CNKSR3: variants seen among roughly 807,000 people sequenced by gnomAD.
CNKSR3 encodes the protein CNKSR family member 3.
A neutral mutation model predicts 67.7 loss-of-function variants in CNKSR3; 36 were observed. The ratio of observed to expected loss-of-function variants is 0.53; its 90% CI spans 0.41 to 0.70. The LOEUF (loss-of-function observed/expected upper bound fraction) is 0.70, where lower values mean the gene tolerates loss of function less well. Ranked by LOEUF, CNKSR3 falls within the 30% of genes least tolerant of loss-of-function variation. The probability of loss-of-function intolerance (pLI) is 0.00; values close to 1 mark genes in which losing one functional copy is unlikely to be tolerated. For missense variants in CNKSR3, 630 were observed against 695.2 expected (o/e 0.91, Z 1.05); for synonymous variants, 281 against 271.4 (o/e 1.04, Z -0.35).
chr6:154,460,867 T>C (rs1786064673), intron 1 of CNKSR3, among the ~76,000 whole-genome samples: 1 of 152,172 alleles, frequency 6.6e-6, no homozygotes, highest in Non-Finnish European at 1.5e-5. Context: ...AGACATGCAG[T>C]GGCCGCGACA....
chr6:154,402,705 G>A lies in CNKSR3; in HGVS notation c.*3649C>T, dbSNP rs1784731213. 6.6e-6 allele frequency: 1 copy of A among 152,200 alleles called. No homozygotes were observed. Among genetic ancestry groups the A allele is most frequent in the Non-Finnish European group, 1.5e-5 (1 of 68,028 alleles). 9.4% of individuals were successfully genotyped at this position (152,200 alleles called of 1,614,324 possible). A position where few individuals can be genotyped will look rare whatever the true frequency, so the allele number is the denominator to read the frequency against. ...AGTGAAGCCATTACAGACTAGGTAT[G>A]CCTAGAACTTTATCTAAAGAATTGG... On this transcript the variant is annotated 3_prime_UTR_variant, in exon 13 of 13. Coordinates refer to ENST00000607772, the MANE Select transcript of CNKSR3 (RefSeq NM_173515.4).
rs1787187245 is a variant in CNKSR3 at position 154,510,173 on chromosome 6, C to A, written c.-59G>T. 6.2e-7 allele frequency: 1 copy of A among 1,600,292 alleles called. No individual in the cohort carries two copies. The highest frequency in any genetic ancestry group is 1.1e-5 in the South Asian group (1 of 90,750). On this transcript the variant is annotated 5_prime_UTR_variant, in exon 1 of 13. Transcript: ENST00000607772. ...GTCGCAGATAAAGTGCTGCTGCCTG[C>A]GCTCCGGTGCCCCTTCCCGGGAGGG...
At chr6:154,441,980 T>C in intron 3 of CNKSR3, 108 bp downstream of exon 3, 1 of 1,053,128 alleles carries the variant, frequency 9.5e-7, no homozygotes, top group Non-Finnish European at 1.3e-6. Context: ...CCGGTAAAAA[T>C]GATATGAAAA....
chr6:154,428,070 G>T, intron 7 of CNKSR3, 58 bp downstream of exon 7: 2 of 1,116,664 alleles, frequency 1.8e-6, no homozygotes, highest in Non-Finnish European at 2.7e-6. Context: ...TATAGAGACT[G>T]TGGATCAAAT....
Position 154,406,616 on chromosome 6 carries a change from C to G in CNKSR3, c.1406G>C (p.Arg469Pro). 1 of 1,613,870 alleles carries G rather than the reference C, an allele frequency of 6.2e-7. No homozygotes were observed. Among genetic ancestry groups the G allele is most frequent in the South Asian group, 1.1e-5 (1 of 91,060 alleles). The change falls in exon 13 of 13, where the codon CGG becomes CCG. Residue 469 changes from arginine to proline, a missense_variant. By Grantham distance (103) the Arg-to-Pro change is moderately radical. This residue lies in a region of CNKSR3 where 308 missense variants were observed against 299.6 expected (regional missense o/e 1.03). Transcript: ENST00000607772. ...GCTCTCTTCAATGATCGGAGGAATC[C>G]GCTCGTTACTGAAATACCGGCAAAG... The part of the protein sequence containing the change: ...DALCRYFSNE[R>P]IPPIIEESSS...
intron 9 of CNKSR3, among the ~76,000 whole-genome samples, chr6:154,419,285 T>A (rs72993368): frequency 6.6e-6 from 1 of 152,066 alleles, no homozygotes; most frequent in Non-Finnish European, 1.5e-5. Flanking sequence ...GCTCAAACGA[T>A]CCTCCTTCCT....
At chr6:154,500,904 C>T (rs566919432) in intron 1 of CNKSR3, among the ~76,000 whole-genome samples, 9 of 152,274 alleles carry the variant, frequency 5.9e-5, no homozygotes, top group African/African-American at 2.2e-4. Flanking sequence ...TCAAAGAAAA[C>T]AAAGTAGGCT....
rs1440293328 is a variant in CNKSR3, at chr6:154,400,084, G to A, written c.*6270C>T. On this transcript the variant is annotated 3_prime_UTR_variant, in exon 13 of 13. Coordinates refer to ENST00000607772, the MANE Select transcript of CNKSR3 (RefSeq NM_173515.4). ...CTCTACTGCCCTTTTAAATACCTTT[G>A]AGGTTTATTTCTTAATTTTTTTCCT... 1 of 152,124 alleles carries A rather than the reference G, an allele frequency of 6.6e-6. No homozygotes were observed. The highest frequency in any genetic ancestry group is 1.5e-5 in the Non-Finnish European group (1 of 68,022). 9.4% of individuals were successfully genotyped at this position (152,124 alleles called of 1,614,324 possible).
chr6:154,418,214 T>C (rs1390360413), intron 9 of CNKSR3, among the ~76,000 whole-genome samples: 1 of 152,182 alleles, frequency 6.6e-6, no homozygotes, highest in East Asian at 1.9e-4. Flanking sequence ...CCAGGATGCT[T>C]CGTCCTGCAT....
chr6:154,479,246 A>T (rs1012386059), intron 1 of CNKSR3, among the ~76,000 whole-genome samples: 8 of 152,068 alleles, frequency 5.3e-5, no homozygotes, highest in African/African-American at 1.4e-4. Context: ...CTTTCAGTGC[A>T]GATTCCACTA....
intron 1 of CNKSR3, among the ~76,000 whole-genome samples, chr6:154,501,636 G>A (rs1786997344): frequency 7.0e-6 from 1 of 142,082 alleles, no homozygotes; most frequent in African/African-American, 2.6e-5. Context: ...ATGCCTAAAT[G>A]TCACCTCTGA....
chr6:154,422,826 G>A, intron 8 of CNKSR3, 89 bp downstream of exon 8: 1 of 1,250,350 alleles, frequency 8.0e-7, no homozygotes, highest in African/African-American at 1.5e-5. Flanking sequence ...TAGGATATAA[G>A]CGGCAAATTT....
chr6:154,438,664 T>C (rs1025467229), intron 4 of CNKSR3, among the ~76,000 whole-genome samples: 1 of 152,188 alleles, frequency 6.6e-6, no homozygotes, highest in Non-Finnish European at 1.5e-5. Flanking sequence ...TCTTAACCAC[T>C]AGACTAACCT....
chr6:154,505,358 C>T (rs1245303484), intron 1 of CNKSR3, among the ~76,000 whole-genome samples: 1 of 150,768 alleles, frequency 6.6e-6, no homozygotes, highest in African/African-American at 2.4e-5. Context: ...AAGAAAGCCC[C>T]CTTTTCTCTT....
At chr6:154,418,164 C>T (rs1785060270) in intron 9 of CNKSR3, among the ~76,000 whole-genome samples, 1 of 152,174 alleles carries the variant, frequency 6.6e-6, no homozygotes, top group Non-Finnish European at 1.5e-5. Context: ...AGCTGCCTCG[C>T]CCGAGCAGGG....
intron 1 of CNKSR3, among the ~76,000 whole-genome samples, chr6:154,460,533 G>A (rs1264045033): frequency 1.3e-5 from 2 of 152,152 alleles, no homozygotes; most frequent in East Asian, 3.8e-4. Context: ...TACTTTCCAA[G>A]GTTGTTTGTT....
rs141745969 is a variant in CNKSR3, at chr6:154,494,496, G to C, written c.52+15567C>G. On this transcript the variant is annotated intron_variant, in intron 1 of 12. Coordinates refer to ENST00000607772, the MANE Select transcript of CNKSR3 (RefSeq NM_173515.4). ...CATGAGAAATTAGCAAGTTTTAATAGAACTGTCAAGGAAACAGAACACGGA... is the reference window on the plus strand; with the variant it reads ...CATGAGAAATTAGCAAGTTTTAATACAACTGTCAAGGAAACAGAACACGGA... 2.0e-5 allele frequency among the ~76,000 whole-genome samples: 3 copies of C among 152,152 alleles called. No homozygotes were observed. In the East Asian group the frequency reaches 5.8e-4, roughly 29 times the overall value.
chr6:154,426,986 C>T (rs1233566252), intron 7 of CNKSR3, among the ~76,000 whole-genome samples: 3 of 152,124 alleles, frequency 2.0e-5, no homozygotes, highest in South Asian at 2.1e-4. Context: ...TCTTTTCTTC[C>T]GCACCATCCC....
In CNKSR3 at chr6:154,395,080, G is replaced by A. The variant is rs35408661; in HGVS notation, c.*11274C>T. The A allele has an allele frequency of 0.11, 16,285 of 152,306 alleles. 1,176 individuals carry two copies. Among genetic ancestry groups the A allele is most frequent in the Admixed American group, 0.24 (3,684 of 15,284 alleles). The allele number at this position is 152,306 out of a possible 1,614,324, so 9.4% of individuals were successfully genotyped here. A position where few individuals can be genotyped will look rare whatever the true frequency, so the allele number is the denominator to read the frequency against. On this transcript the variant is annotated 3_prime_UTR_variant, in exon 13 of 13. Transcript: ENST00000607772. The stretch of plus-strand genomic sequence containing the variant: ...ACAGGTGGAAAAGGTCAAGTGGAAC[G>A]GAGGTGCCCAGGGCAGGAGAGCAGG...
Sources: allele counts gnomAD v4.1 joint callset (sites outside exome capture counted in the v4.1 genomes callset), GRCh38; gene constraint gnomAD v4.1.1; regional missense constraint gnomAD v4.1.1; transcripts MANE v1.5; gene names NCBI Gene and HGNC (gene_info 2026-07-23, HGNC 2026-07-21).